The following LDLRAD3 variants were observed in gnomAD, a reference collection of about 807,000 sequenced individuals.
LDLRAD3 encodes the protein low density lipoprotein receptor class A domain containing 3.
LDLRAD3 carries 20 observed loss-of-function variants against 29.4 expected under a neutral mutation model. The ratio of observed to expected loss-of-function variants is 0.68; its 90% confidence interval spans 0.48 to 0.99. LDLRAD3 has a LOEUF of 0.99. LDLRAD3 is among the 50% of genes least tolerant of loss of function. LDLRAD3 has a pLI of 0.00. For missense variants in LDLRAD3, 420 were observed against 454.3 expected (o/e 0.92, Z 0.69); for synonymous variants, 157 against 192.7 (o/e 0.81, Z 1.53).
intron 1 of LDLRAD3, among the ~76,000 whole-genome samples, chr11:36,006,452 G>C (rs1292291973): frequency 6.6e-6 from 1 of 152,170 alleles, no homozygotes; most frequent in African/African-American, 2.4e-5. Context: ...TGTGTGCCAG[G>C]CATATACGAA....
At chr11:36,051,328 C>T (rs1054580433) in intron 2 of LDLRAD3, among the ~76,000 whole-genome samples, 2 of 152,092 alleles carry the variant, frequency 1.3e-5, no homozygotes, top group Admixed American at 6.5e-5. Context: ...GCTTGGTGGT[C>T]AACATGGTTG....
intron 4 of LDLRAD3, among the ~76,000 whole-genome samples, chr11:36,123,111 C>T (rs1853783921): frequency 6.6e-6 from 1 of 152,042 alleles, no homozygotes; most frequent in Non-Finnish European, 1.5e-5. Context: ...CACTTGAGCC[C>T]AGGAGGTCAA....
intron 3 of LDLRAD3, among the ~76,000 whole-genome samples, chr11:36,083,926 T>C (rs956167767): frequency 2.6e-5 from 4 of 152,152 alleles, no homozygotes; most frequent in African/African-American, 9.7e-5. Context: ...TTTAATTTTC[T>C]CTTTTTTTTT....
chr11:36,192,552 G>T (rs980753128), intron 4 of LDLRAD3, among the ~76,000 whole-genome samples: 3 of 152,320 alleles, frequency 2.0e-5, no homozygotes, highest in South Asian at 2.1e-4. Context: ...TCACAAGGCC[G>T]CTTTGTGGGG....
At chr11:36,024,425 G>T (rs1265412448) in intron 1 of LDLRAD3, among the ~76,000 whole-genome samples, 1 of 152,146 alleles carries the variant, frequency 6.6e-6, no homozygotes, top group Non-Finnish European at 1.5e-5. Flanking sequence ...GGGATGTGGG[G>T]TTTCCTCAGT....
intron 1 of LDLRAD3, among the ~76,000 whole-genome samples, chr11:35,994,781 T>C (rs1389162251): frequency 5.9e-5 from 9 of 152,230 alleles, no homozygotes; most frequent in Non-Finnish European, 8.8e-5. Flanking sequence ...TAAATCCTTG[T>C]CATTTCAACA....
intron 4 of LDLRAD3, among the ~76,000 whole-genome samples, chr11:36,195,062 C>T (rs1392752035): frequency 6.6e-6 from 1 of 152,158 alleles, no homozygotes; most frequent in Admixed American, 6.5e-5. Flanking sequence ...GAGGACCATA[C>T]TTCTGTTATA....
intron 1 of LDLRAD3, among the ~76,000 whole-genome samples, chr11:36,029,205 A>G (rs974442641): frequency 2.6e-5 from 4 of 152,126 alleles, no homozygotes; most frequent in African/African-American, 9.7e-5. Flanking sequence ...AGATCGTGTC[A>G]CTGTACTCCA....
At chr11:36,029,568 T>A (rs1243299768) in intron 1 of LDLRAD3, among the ~76,000 whole-genome samples, 1 of 152,116 alleles carries the variant, frequency 6.6e-6, no homozygotes, top group Non-Finnish European at 1.5e-5. Flanking sequence ...ATTTTCCTCA[T>A]GAAATGCACT....
intron 4 of LDLRAD3, among the ~76,000 whole-genome samples, chr11:36,168,700 G>A (rs1486529226): frequency 2.6e-5 from 4 of 152,012 alleles, no homozygotes; most frequent in Admixed American, 6.6e-5. Context: ...TGTTAGAGCC[G>A]AAGTCTGAAA....
chr11:36,146,545 A>G (rs924071653), intron 4 of LDLRAD3, among the ~76,000 whole-genome samples: 2 of 152,174 alleles, frequency 1.3e-5, no homozygotes, highest in Non-Finnish European at 2.9e-5. Context: ...TTATTCTCGT[A>G]CAGTTCAGAA....
intron 1 of LDLRAD3, among the ~76,000 whole-genome samples, chr11:36,030,827 C>T (rs1274047002): frequency 6.6e-6 from 1 of 152,172 alleles, no homozygotes; most frequent in Non-Finnish European, 1.5e-5. Flanking sequence ...GCAGGAAGAA[C>T]AGCAGTAGGA....
At chr11:36,177,284 T>C (rs1180865051) in intron 4 of LDLRAD3, among the ~76,000 whole-genome samples, 1 of 152,238 alleles carries the variant, frequency 6.6e-6, no homozygotes, top group East Asian at 1.9e-4. Context: ...CATGAGTAGC[T>C]AAACAATTGA....
chr11:36,127,785 A>C, intron 4 of LDLRAD3, among the ~76,000 whole-genome samples: 1 of 152,158 alleles, frequency 6.6e-6, no homozygotes, highest in Admixed American at 6.5e-5. Context: ...GACCTGCCCA[A>C]GATCACACAG....
chr11:36,001,294 C>T (rs191224019), intron 1 of LDLRAD3: 14 of 152,138 alleles, frequency 9.2e-5, no homozygotes, highest in Non-Finnish European at 1.2e-4. Context: ...GTTGGTGTGC[C>T]GCACCCATTA....
chr11:35,998,354 A>G (rs1851781198), intron 1 of LDLRAD3, among the ~76,000 whole-genome samples: 1 of 152,152 alleles, frequency 6.6e-6, no homozygotes, highest in African/African-American at 2.4e-5. Context: ...GTGGCCAATG[A>G]ACATTGGATG....
At chr11:36,177,415 G>C (rs1245649263) in intron 4 of LDLRAD3, among the ~76,000 whole-genome samples, 3 of 152,154 alleles carry the variant, frequency 2.0e-5, no homozygotes, top group African/African-American at 7.2e-5. Flanking sequence ...TACCAGAATT[G>C]TTTTTCTGGT....
rs1174466979 is a variant in LDLRAD3 at position 35,944,095 on chromosome 11, C to T, written c.-4C>T. The stretch of plus-strand genomic sequence containing the variant: ...CGCCGGGCAGCGGGAGCGGCGGCCG[C>T]GCCATGTGGCTGCTGGGGCCGCTGT... On this transcript the variant is annotated 5_prime_UTR_variant, in exon 1 of 6. Coordinates refer to ENST00000315571, the MANE Select transcript of LDLRAD3 (RefSeq NM_174902.4). This position sits in a 1 kb window ranked among gnomAD's most constrained non-coding sequence, Gnocchi z 4.9. 2.8e-6 allele frequency: 3 copies of T among 1,075,038 alleles called. No homozygotes were observed. Among genetic ancestry groups the T allele is most frequent in the Non-Finnish European group, 3.4e-6 (3 of 888,666 alleles). 66.6% of individuals were successfully genotyped at this position (1,075,038 alleles called of 1,614,324 possible).
chr11:36,067,916 G>A (rs565145686), intron 2 of LDLRAD3, among the ~76,000 whole-genome samples: 4 of 152,150 alleles, frequency 2.6e-5, no homozygotes, highest in East Asian at 3.9e-4. Context: ...CAATCCACTC[G>A]TCTTGGCCTC....
Sources: gnomAD v4.1 joint callset for allele counts (sites outside exome capture counted in the v4.1 genomes callset) on GRCh38, gnomAD v4.1.1 for gene constraint, Gnocchi (gnomAD v3.1) non-coding constraint, MANE v1.5 for transcripts, NCBI Gene and HGNC (gene_info 2026-07-23, HGNC 2026-07-21) for gene names.